The following TNS2 variants were observed in gnomAD, a reference collection of about 807,000 sequenced individuals.
The protein encoded by TNS2 is tensin-2.
TNS2 carries 77 observed loss-of-function variants against 155.7 expected under a neutral mutation model. That is an observed-to-expected ratio of 0.49 (90% CI 0.41 to 0.60). The LOEUF is 0.60. Ranked by LOEUF, TNS2 falls within the 20% of genes least tolerant of loss-of-function variation. The pLI, the probability that TNS2 is intolerant of heterozygous loss-of-function variation, is 0.00. For missense variants in TNS2, 1,703 were observed against 1,868.8 expected (o/e 0.91, Z 1.64); for synonymous variants, 726 against 763.9 (o/e 0.95, Z 0.82).
chr12:53,062,392 G>C lies in TNS2; in HGVS notation c.3684G>C (p.Leu1228Phe). ...CTCCCACAGGCAGCCTGTCCGCCTTGGTCTCCCAGCACTCCATCTCCCCCA... is the reference window on the plus strand; with the variant it reads ...CTCCCACAGGCAGCCTGTCCGCCTTCGTCTCCCAGCACTCCATCTCCCCCA... ...SEPYFGSLSALVSQHSISPIS... is the reference protein window; with the variant it reads ...SEPYFGSLSAFVSQHSISPIS... Residue 1228 changes from leucine to phenylalanine, a missense_variant, in exon 24 of 29, where the codon TTG (leucine) becomes TTC (phenylalanine). Physicochemically the swap from Leu to Phe is conservative, Grantham distance 22. Transcript: ENST00000314250. The C allele has an allele frequency of 6.2e-7, 1 of 1,613,978 alleles. No homozygotes were observed. Among genetic ancestry groups the C allele is most frequent in the African/African-American group, 1.3e-5 (1 of 74,982 alleles).
Position 53,054,443 on chromosome 12 carries a change from T to C in TNS2, c.522+2T>C, listed in dbSNP as rs769155605. 1.3e-6 allele frequency: 2 copies of C among 1,597,674 alleles called. No homozygotes were observed. The highest frequency in any genetic ancestry group is 1.4e-5 in the African/African-American group (1 of 73,650). The stretch of plus-strand genomic sequence containing the variant: ...TCCAAGCACCGGGACAAGTACCTGG[T>C]GAGGGGCGGGGCCATCAGGAGTCCG... On this transcript the variant is annotated splice_donor_variant, in intron 7 of 28. Transcript: ENST00000314250. LOFTEE classifies it high-confidence loss of function.
In TNS2 at chr12:53,060,571, G is replaced by C. The variant is rs561950882; in HGVS notation, c.2768+16G>C. On this transcript the variant is annotated intron_variant, in intron 19 of 28. Transcript: ENST00000314250. The surrounding 1 kb of genome is among the most constrained non-coding windows in gnomAD (Gnocchi z 6.1). The stretch of plus-strand genomic sequence containing the variant: ...GCAAGGAAAGGTATGCAGAGGGGCC[G>C]GGGATGCTCGAGTGCTTTCTTGTCC... 6.2e-7 allele frequency: 1 copy of C among 1,609,556 alleles called. No individual in the cohort carries two copies. The highest frequency in any genetic ancestry group is 8.5e-7 in the Non-Finnish European group (1 of 1,177,624).
Position 53,060,527 on chromosome 12 carries a change from A to G in TNS2, c.2740A>G (p.Thr914Ala), listed in dbSNP as rs1240908528. 19 of 1,613,616 alleles carry G rather than the reference A, an allele frequency of 1.2e-5. No homozygotes were observed. In the East Asian group the frequency reaches 1.8e-4, roughly 15 times the overall value. The change falls in exon 19 of 29, where the codon ACC becomes GCC. Residue 914 changes from threonine (T) to alanine (A), a missense_variant. Physicochemically the swap from Thr to Ala is moderately conservative, Grantham distance 58. Coordinates refer to ENST00000314250, the MANE Select transcript of TNS2 (RefSeq NM_170754.4). The surrounding 1 kb of genome is among the most constrained non-coding windows in gnomAD (Gnocchi z 6.1). ...ELSGPSTPLH[T>A]SSPVQGKEST... Reference sequence around the variant, plus strand: ...GTCTGGTCCCTCCACGCCCCTGCACACCAGCAGTCCAGTCCAGGGCAAGGA... The same window carrying G: ...GTCTGGTCCCTCCACGCCCCTGCACGCCAGCAGTCCAGTCCAGGGCAAGGA...
intron 1 of TNS2, among the ~76,000 whole-genome samples, chr12:53,051,380 G>A (rs537416300): frequency 1.3e-5 from 2 of 152,340 alleles, no homozygotes; most frequent in Admixed American, 1.3e-4. Flanking sequence ...GACAGCAGGA[G>A]CTAAAGGAGC....
rs1376817521 is a variant in TNS2 at position 53,054,359 on chromosome 12, C to T, written c.440C>T (p.Ala147Val). ...CGCATCTTGGCCGCCGCCTTCCCCGCGCGGCCCGATGAACAGCGGCACCGG... is the reference window on the plus strand; with the variant it reads ...CGCATCTTGGCCGCCGCCTTCCCCGTGCGGCCCGATGAACAGCGGCACCGG... Reference protein sequence around the residue: ...TERILAAAFPARPDEQRHRGH... With the variant: ...TERILAAAFPVRPDEQRHRGH... Residue 147 changes from alanine (A) to valine (V), a missense_variant, in exon 7 of 29, where the codon GCG (alanine) becomes GTG (valine). Physicochemically the swap from Ala to Val is moderately conservative, Grantham distance 64. Coordinates refer to ENST00000314250, the MANE Select transcript of TNS2 (RefSeq NM_170754.4). 1.9e-6 allele frequency: 3 copies of T among 1,612,620 alleles called. No individual in the cohort carries two copies. Among genetic ancestry groups the T allele is most frequent in the Admixed American group, 1.7e-5 (1 of 59,662 alleles).
intron 11 of TNS2, 104 bp downstream of exon 11, chr12:53,057,200 G>A (rs1944191555): frequency 1.6e-6 from 2 of 1,273,716 alleles, no homozygotes; most frequent in African/African-American, 1.5e-5. Context: ...AGTGTGCCAA[G>A]CGCCGTGCCA....
At chr12:53,054,106 G>A (rs1423834928) in intron 6 of TNS2, 92 bp downstream of exon 6, 102 of 1,583,712 alleles carry the variant, frequency 6.4e-5, no homozygotes, top group Non-Finnish European at 8.3e-5. Flanking sequence ...AGAGCTCCCC[G>A]GGACAGCCCC....
intron 20 of TNS2, 28 bp from the exon 21 acceptor site, chr12:53,061,352 G>A (rs71455226): frequency 0.02 from 32,084 of 1,613,708 alleles, 363 homozygotes; most frequent in Non-Finnish European, 0.022. Context: ...GTACCCTGGG[G>A]TCTGAACCTA....
In TNS2 at chr12:53,051,843, C is replaced by G. The variant is rs190518278; in HGVS notation, c.76-12C>G. On this transcript the variant is annotated splice_polypyrimidine_tract_variant and intron_variant, in intron 1 of 28. Transcript: ENST00000314250. ...TGGGAACTCACACCTCTGTTTGTCC[C>G]TCCACCTTCAGCCTAGGAAAGCTGA... 1.9e-6 allele frequency: 3 copies of G among 1,608,176 alleles called. No individual in the cohort carries two copies. Among genetic ancestry groups the G allele is most frequent in the South Asian group, 2.2e-5 (2 of 90,256 alleles).
chr12:53,047,639 G>A (rs1487786045), upstream of TNS2, among the ~76,000 whole-genome samples: 1 of 151,854 alleles, frequency 6.6e-6, no homozygotes, highest in Non-Finnish European at 1.5e-5. Flanking sequence ...CGGGGCGCAC[G>A]GGGCCGCACG....
chr12:53,052,606 C>G, intron 3 of TNS2, 114 bp downstream of exon 3: 3 of 1,402,148 alleles, frequency 2.1e-6, no homozygotes, highest in Non-Finnish European at 3.0e-6. Context: ...CCTCTCACCA[C>G]TGGGGAACCC....
intron 8 of TNS2, 122 bp from the exon 9 acceptor site, chr12:53,055,446 A>C: frequency 7.6e-7 from 1 of 1,316,236 alleles, no homozygotes; most frequent in Non-Finnish European, 1.0e-6. Flanking sequence ...CGAGGCTATC[A>C]TGGACAACCA....
chr12:53,055,510 G>A, intron 8 of TNS2, 58 bp from the exon 9 acceptor site: 1 of 1,551,174 alleles, frequency 6.4e-7, no homozygotes, highest in South Asian at 1.2e-5. Context: ...TTTCCACCCT[G>A]CCCATCTCTC....
At position 53,059,551 on chromosome 12, in the gene TNS2, C is replaced by A; in HGVS notation, c.1910C>A (p.Ser637Ter). Residue 637 changes from serine (S) to a stop codon, truncating the protein, a stop_gained, in exon 18 of 29, where the codon TCG (serine) becomes TAG (stop). Transcript: ENST00000314250. LOFTEE classifies it high-confidence loss of function. This position sits in a 1 kb window ranked among gnomAD's most constrained non-coding sequence, Gnocchi z 4.7. Reference sequence around the variant, plus strand: ...TCCCCCCAGGGCTACGCCGAGGCCTCGATGGAGAAGAGGCGCCTCTGCCGA... The same window carrying A: ...TCCCCCCAGGGCTACGCCGAGGCCTAGATGGAGAAGAGGCGCCTCTGCCGA... ...EGSPQGYAEA[S>*]MEKRRLCRSL... The A allele has an allele frequency of 6.3e-7, 1 of 1,594,226 alleles. No individual in the cohort carries two copies. The highest frequency in any genetic ancestry group is 8.5e-7 in the Non-Finnish European group (1 of 1,171,216).
In TNS2 at chr12:53,063,765, G is replaced by T; in HGVS notation, c.4113G>T (p.Lys1371Asn). Residue 1371 changes from lysine (K) to asparagine (N), a missense_variant, in exon 29 of 29, where the codon AAG becomes AAT. Physicochemically the swap from Lys to Asn is moderately conservative, Grantham distance 94. Coordinates refer to ENST00000314250, the MANE Select transcript of TNS2 (RefSeq NM_170754.4). The surrounding 1 kb of genome is among the most constrained non-coding windows in gnomAD (Gnocchi z 5.6). ...TTSKIFGFVA[K>N]KPGSPWENVC... ...CTAGGATCTTTGGTTTCGTGGCCAA[G>T]AAGCCGGGAAGCCCCTGGGAGAATG... 3 of 1,614,122 alleles carry T rather than the reference G, an allele frequency of 1.9e-6. No homozygotes were observed. In the South Asian group the frequency reaches 3.3e-5, roughly 18 times the overall value.
chr12:53,055,339 T>C, intron 8 of TNS2, 103 bp downstream of exon 8: 1 of 1,342,242 alleles, frequency 7.5e-7, no homozygotes, highest in Non-Finnish European at 1.0e-6. Context: ...TCTACTTCAC[T>C]CTTAAGCACT....
intron 6 of TNS2, 109 bp downstream of exon 6, chr12:53,054,123 C>G (rs1384694123): frequency 2.5e-6 from 4 of 1,573,020 alleles, no homozygotes; most frequent in Non-Finnish European, 3.5e-6. Flanking sequence ...CCCCCCACCC[C>G]CAAAGCGGTA....
chr12:53,054,149 G>A, intron 6 of TNS2, 121 bp from the exon 7 acceptor site: 1 of 1,543,960 alleles, frequency 6.5e-7, no homozygotes, highest in Non-Finnish European at 8.9e-7. Flanking sequence ...CCTCCAGACC[G>A]ATCCACCCAC....
chr12:53,053,176 G>A, intron 3 of TNS2: 2 of 568,512 alleles, frequency 3.5e-6, no homozygotes, highest in Non-Finnish European at 6.4e-6. Context: ...CTGGATGAAT[G>A]GGGGTCTGTG....
Sources: allele counts gnomAD v4.1 joint callset (sites outside exome capture counted in the v4.1 genomes callset), GRCh38; gene constraint gnomAD v4.1.1; non-coding constraint Gnocchi (gnomAD v3.1); transcripts MANE v1.5; gene names NCBI Gene and HGNC (gene_info 2026-07-23, HGNC 2026-07-21).